EXD3: variants seen among roughly 807,000 people sequenced by gnomAD.
EXD3 encodes the protein exonuclease 3'-5' domain containing 3, also known as exonuclease mut-7 homolog.
A neutral mutation model predicts 98.0 loss-of-function variants in EXD3; 92 were observed. That is an observed-to-expected ratio of 0.94 (90% CI 0.79 to 1.12). EXD3 has a LOEUF of 1.12. EXD3 is among the 50% of genes most tolerant of loss of function. EXD3 has a pLI of 0.00. For missense variants in EXD3, 1,222 were observed against 1,191.6 expected (o/e 1.03, Z -0.38); for synonymous variants, 569 against 526.0 (o/e 1.08, Z -1.12).
chr9:137,314,145 G>A (rs1247980486), intron 19 of EXD3, among the ~76,000 whole-genome samples: 1 of 152,186 alleles, frequency 6.6e-6, no homozygotes, highest in Non-Finnish European at 1.5e-5. Flanking sequence ...TGGACAGGGC[G>A]AGCCAGCGGC....
chr9:137,318,008 T>A (rs1831788723), intron 19 of EXD3, among the ~76,000 whole-genome samples: 1 of 151,930 alleles, frequency 6.6e-6, no homozygotes, highest in Non-Finnish European at 1.5e-5. Context: ...CCGCTGCACC[T>A]CTTCCTGTCT....
chr9:137,311,969 G>T (rs1040326728), intron 19 of EXD3, among the ~76,000 whole-genome samples: 1 of 152,076 alleles, frequency 6.6e-6, no homozygotes, highest in African/African-American at 2.4e-5. Flanking sequence ...CCCAGCACTC[G>T]GGGGCTGAGA....
In EXD3 at chr9:137,347,460, T is replaced by C. The variant is rs1447094909; in HGVS notation, c.1998+611A>G. On this transcript the variant is annotated intron_variant, in intron 17 of 21. Coordinates refer to ENST00000340951, the MANE Select transcript of EXD3 (RefSeq NM_017820.5). This position sits in a 1 kb window ranked among gnomAD's most constrained non-coding sequence, Gnocchi z 4.2. ...CATTCCTGCTTTTTTTCTTTTTTTT[T>C]TAAGATGGAGTCTTGCTCTGTCAGC... Among the ~76,000 whole-genome samples the C allele has an allele frequency of 6.6e-6, 1 of 152,084 alleles. No homozygotes were observed. Among genetic ancestry groups the C allele is most frequent in the Non-Finnish European group, 1.5e-5 (1 of 68,024 alleles).
Position 137,407,143 on chromosome 9 carries a change from G to C in EXD3, c.-47-11739C>G, listed in dbSNP as rs912524610. Among the ~76,000 whole-genome samples the C allele has an allele frequency of 1.3e-5, 2 of 152,146 alleles. No individual in the cohort carries two copies. Among genetic ancestry groups the C allele is most frequent in the African/African-American group, 2.4e-5 (1 of 41,438 alleles). On this transcript the variant is annotated intron_variant, in intron 1 of 21. Transcript: ENST00000340951. This position sits in a 1 kb window ranked among gnomAD's most constrained non-coding sequence, Gnocchi z 4.4. ...GGGCACCCCACGCCGACCGCCGCGC[G>C]TCCGGGCCGGTCTCTGGGCCCCTCT...
intron 17 of EXD3, among the ~76,000 whole-genome samples, chr9:137,329,224 G>A (rs1588267454): frequency 5.3e-5 from 1 of 18,834 alleles, no homozygotes; most frequent in Non-Finnish European, 8.0e-5. Flanking sequence ...GGGACGACAC[G>A]GGGCTACACG....
Position 137,351,377 on chromosome 9 carries a change from G to T in EXD3, c.1325C>A (p.Ala442Asp). The T allele has an allele frequency of 6.2e-7, 1 of 1,611,468 alleles. No homozygotes were observed. The highest frequency in any genetic ancestry group is 8.5e-7 in the Non-Finnish European group (1 of 1,179,492). Residue 442 changes from alanine (A) to aspartate (D), a missense_variant, in exon 13 of 22, where the codon GCC (alanine) becomes GAC (aspartate). Physicochemically the swap from Ala to Asp is moderately radical, Grantham distance 126. Transcript: ENST00000340951. ...GGCCACCAGCCGGGAAAAGGCCTGG[G>T]CTCCCTGCCCTGTTGGTGGCTGCGA... ...ALSQPPTGQG[A>D]QAFSRLVAQL...
intron 1 of EXD3, among the ~76,000 whole-genome samples, chr9:137,420,063 G>C (rs929303026): frequency 6.6e-6 from 1 of 152,130 alleles, no homozygotes; most frequent in Non-Finnish European, 1.5e-5. Context: ...GGGAGGCTGA[G>C]GCTGGTGAAT....
chr9:137,308,296 G>C lies in EXD3; in HGVS notation c.2279-650C>G, dbSNP rs1246385185. Among the ~76,000 whole-genome samples the C allele has an allele frequency of 2.6e-5, 4 of 152,182 alleles. No individual in the cohort carries two copies. The East Asian group carries it at 7.7e-4, about 29-fold the overall frequency. On this transcript the variant is annotated intron_variant, in intron 20 of 21. Transcript: ENST00000340951. ...AAGCATTTCGCTACAGATGGCTCCA[G>C]ATCAGCTGCGGCCGGGGATGAATGC...
chr9:137,391,280 C>T lies in EXD3; in HGVS notation c.55+4023G>A, dbSNP rs548802479. On this transcript the variant is annotated intron_variant, in intron 2 of 21. Coordinates refer to ENST00000340951, the MANE Select transcript of EXD3 (RefSeq NM_017820.5). ...TAGGAAAAGTGGCCTCTCCTGCGGG[C>T]CCTGCCCTGTTCACCGCCGTGTCCA... is the stretch of plus-strand genomic sequence containing the variant. Among the ~76,000 whole-genome samples, 14 of 152,376 alleles carry T rather than the reference C, an allele frequency of 9.2e-5. 1 individual carries two copies. In the East Asian group the frequency reaches 2.7e-3, roughly 29 times the overall value.
At chr9:137,356,396 G>C in intron 7 of EXD3, 28 bp from the exon 8 acceptor site, 23 of 1,368,456 alleles carry the variant, frequency 1.7e-5, no homozygotes, top group Non-Finnish European at 2.4e-5. Flanking sequence ...CACAGCCTCT[G>C]TTGCTGTTTT....
chr9:137,397,151 C>T (rs145415098), intron 1 of EXD3, among the ~76,000 whole-genome samples: 3 of 152,310 alleles, frequency 2.0e-5, no homozygotes, highest in African/African-American at 7.2e-5. Context: ...GAGGAAGGAC[C>T]CCATCAACAC....
intron 17 of EXD3, among the ~76,000 whole-genome samples, chr9:137,326,082 A>C (rs1220637447): frequency 6.6e-6 from 1 of 151,428 alleles, no homozygotes; most frequent in Non-Finnish European, 1.5e-5. Context: ...CTGTCTCAAA[A>C]AAAAAAAAAA....
chr9:137,315,918 G>A (rs918264524), intron 19 of EXD3, among the ~76,000 whole-genome samples: 1 of 151,346 alleles, frequency 6.6e-6, no homozygotes, highest in Non-Finnish European at 1.5e-5. Context: ...CGGGGGCTCC[G>A]GGGCGCCCCC....
chr9:137,349,532 C>T lies in EXD3; in HGVS notation c.1495-1G>A. The T allele has an allele frequency of 6.3e-7, 1 of 1,579,652 alleles. No individual in the cohort carries two copies. ...GGGCTGGCACGCTCGCCACCCGCATCTGCTAAGACAGTGCCCTGCAGGGTA... is the reference window on the plus strand; with the variant it reads ...GGGCTGGCACGCTCGCCACCCGCATTTGCTAAGACAGTGCCCTGCAGGGTA... On this transcript the variant is annotated splice_acceptor_variant, in intron 14 of 21. Coordinates refer to ENST00000340951, the MANE Select transcript of EXD3 (RefSeq NM_017820.5). LOFTEE classifies it high-confidence loss of function. The surrounding 1 kb of genome is among the most constrained non-coding windows in gnomAD (Gnocchi z 7.4).
rs1564204016 is a variant in EXD3 at position 137,393,350 on chromosome 9, C to G, written c.55+1953G>C. The G allele has an allele frequency of 6.0e-6, 4 of 668,802 alleles. No individual in the cohort carries two copies. The highest frequency in any genetic ancestry group is 1.1e-5 in the Non-Finnish European group (4 of 366,492). The allele number at this position is 668,802 out of a possible 1,614,324, so 41.4% of individuals were successfully genotyped here. A position where few individuals can be genotyped will look rare whatever the true frequency, so the allele number is the denominator to read the frequency against. On this transcript the variant is annotated intron_variant, in intron 2 of 21. Transcript: ENST00000340951. The surrounding 1 kb of genome is among the most constrained non-coding windows in gnomAD (Gnocchi z 4.6). Reference sequence around the variant, plus strand: ...GGGCCTCATCCCACACAGGTGCAGGCCCGGGGCCCGCAGATGGCCTCAGAG... The same window carrying G: ...GGGCCTCATCCCACACAGGTGCAGGGCCGGGGCCCGCAGATGGCCTCAGAG...
intron 19 of EXD3, among the ~76,000 whole-genome samples, chr9:137,318,510 C>T (rs540932665): frequency 2.6e-5 from 4 of 152,140 alleles, no homozygotes; most frequent in African/African-American, 7.2e-5. Flanking sequence ...TAAAAATAGA[C>T]GGTATGCCTG....
rs1837166070 is a variant in EXD3, at chr9:137,395,442, T to A, written c.-47-38A>T. The A allele has an allele frequency of 6.3e-7, 1 of 1,592,720 alleles. No homozygotes were observed. Among genetic ancestry groups the A allele is most frequent in the Non-Finnish European group, 8.6e-7 (1 of 1,164,452 alleles). ...ACAATCAGGTGAATGCAGAGCCCAC[T>A]GCAACAGGCAGCCATGCAGAGCCCA... On this transcript the variant is annotated intron_variant, in intron 1 of 21. Transcript: ENST00000340951. This position sits in a 1 kb window ranked among gnomAD's most constrained non-coding sequence, Gnocchi z 6.5.
At chr9:137,362,441 A>G (rs768669107) in intron 7 of EXD3, among the ~76,000 whole-genome samples, 22 of 152,186 alleles carry the variant, frequency 1.4e-4, no homozygotes, top group Non-Finnish European at 2.6e-4. Context: ...AGTCATTTTT[A>G]TAAATTCCAG....
rs1233540433 is a variant in EXD3 at position 137,393,695 on chromosome 9, G to A, written c.55+1608C>T. ...TGGGATAGGGAAACTGAGGCAGAGA[G>A]CCTCAGCTGCTGCCATGTGGGAGCA... On this transcript the variant is annotated intron_variant, in intron 2 of 21. Coordinates refer to ENST00000340951, the MANE Select transcript of EXD3 (RefSeq NM_017820.5). This position sits in a 1 kb window ranked among gnomAD's most constrained non-coding sequence, Gnocchi z 4.6. 6.6e-6 allele frequency among the ~76,000 whole-genome samples: 1 copy of A among 152,202 alleles called. No homozygotes were observed. The highest frequency in any genetic ancestry group is 2.4e-5 in the African/African-American group (1 of 41,448).
Sources: allele counts gnomAD v4.1 joint callset (sites outside exome capture counted in the v4.1 genomes callset), GRCh38; gene constraint gnomAD v4.1.1; non-coding constraint Gnocchi (gnomAD v3.1); transcripts MANE v1.5; gene names NCBI Gene and HGNC (gene_info 2026-07-23, HGNC 2026-07-21).